Variants in RGL1 observed in about 807,000 individuals in gnomAD.
The protein encoded by RGL1 is ral guanine nucleotide dissociation stimulator like 1, also known as ral guanine nucleotide dissociation stimulator-like 1.
RGL1 carries 24 observed loss-of-function variants against 95.2 expected under a neutral mutation model. That is an observed-to-expected ratio of 0.25 (90% CI 0.18 to 0.35). The LOEUF (loss-of-function observed/expected upper bound fraction) is 0.35, where lower values mean the gene tolerates loss of function less well. Ranked by LOEUF, RGL1 falls within the 10% of genes least tolerant of loss-of-function variation. The pLI is 1.00. For missense variants in RGL1, 715 were observed against 936.3 expected, an observed-to-expected ratio of 0.76 and a Z score of 3.08; for synonymous variants, 329 against 344.9, an observed-to-expected ratio of 0.95 and a Z score of 0.51.
intron 6 of RGL1, 125 bp downstream of exon 6, chr1:183,884,035 T>C: frequency 1.0e-6 from 1 of 975,540 alleles, no homozygotes; most frequent in Non-Finnish European, 1.6e-6. Flanking sequence ...TGAGACAGGC[T>C]GCGCCTGCAG....
intron 1 of RGL1, among the ~76,000 whole-genome samples, chr1:183,721,164 T>C (rs1478956179): frequency 2.6e-5 from 4 of 152,182 alleles, no homozygotes; most frequent in African/African-American, 9.6e-5. Flanking sequence ...CACAGGCTGC[T>C]CATTCTCAGC....
intron 1 of RGL1, among the ~76,000 whole-genome samples, chr1:183,662,247 A>G (rs1264531210): frequency 2.0e-5 from 3 of 150,888 alleles, no homozygotes; most frequent in Non-Finnish European, 2.9e-5. Context: ...AGGGTATTCA[A>G]TTAGGAAAAG....
rs963967454 is a variant in RGL1 at position 183,926,358 on chromosome 1, T to C, written c.*66T>C. On this transcript the variant is annotated 3_prime_UTR_variant, in exon 18 of 18. Transcript: ENST00000360851. ...GGGGCTGAGAAACAGGCTGCGGTGA[T>C]TGCAATTACCATCCGGTGTTCGAGG... is the stretch of plus-strand genomic sequence containing the variant. 5 of 1,362,528 alleles carry C rather than the reference T, an allele frequency of 3.7e-6. No homozygotes were observed. The African/African-American group carries it at 7.3e-5, about 20-fold the overall frequency. The allele number at this position is 1,362,528 out of a possible 1,614,324, so 84.4% of individuals were successfully genotyped here.
At chr1:183,723,899 C>T (rs1314823230) in intron 1 of RGL1, among the ~76,000 whole-genome samples, 2 of 152,166 alleles carry the variant, frequency 1.3e-5, no homozygotes, top group Non-Finnish European at 1.5e-5. Flanking sequence ...AAAAAGACTC[C>T]TTCTTTCTGC....
chr1:183,871,510 T>C (rs892315356), intron 4 of RGL1, among the ~76,000 whole-genome samples: 1 of 152,196 alleles, frequency 6.6e-6, no homozygotes, highest in East Asian at 1.9e-4. Context: ...GGACTCACTA[T>C]TGGATTTAAC....
intron 1 of RGL1, among the ~76,000 whole-genome samples, chr1:183,712,172 C>T (rs1655323214): frequency 6.6e-6 from 1 of 152,196 alleles, no homozygotes; most frequent in Non-Finnish European, 1.5e-5. Flanking sequence ...AGGAACTGGC[C>T]TGGGAGGGCC....
chr1:183,895,256 G>C (rs1667623822), intron 9 of RGL1, among the ~76,000 whole-genome samples: 1 of 152,182 alleles, frequency 6.6e-6, no homozygotes, highest in Non-Finnish European at 1.5e-5. Flanking sequence ...CCAGAGTCCA[G>C]TAGACAAGTT....
In RGL1 at chr1:183,843,869, C is replaced by T. The variant is rs915230182; in HGVS notation, c.139-3697C>T. Among the ~76,000 whole-genome samples the T allele has an allele frequency of 3.3e-5, 5 of 152,058 alleles. 1 individual carries two copies. Among genetic ancestry groups the T allele is most frequent in the Admixed American group, 2.0e-4 (3 of 15,282 alleles). On this transcript the variant is annotated intron_variant, in intron 2 of 17. Transcript: ENST00000360851. ...TGAGATGGAGTCTCGCTCTGTTGCC[C>T]AGGCTGGAGTGCAGTGGCACAATCT... is the stretch of plus-strand genomic sequence containing the variant.
At chr1:183,671,845 G>T (rs1013096735) in intron 1 of RGL1, among the ~76,000 whole-genome samples, 4 of 151,878 alleles carry the variant, frequency 2.6e-5, no homozygotes, top group Non-Finnish European at 5.9e-5. Context: ...AGTGGTTGCT[G>T]TTGAGAAATT....
At chr1:183,752,823 T>C (rs1252113491) in intron 2 of RGL1, among the ~76,000 whole-genome samples, 2 of 152,082 alleles carry the variant, frequency 1.3e-5, no homozygotes, top group African/African-American at 4.8e-5. Context: ...TCCATTGTCC[T>C]CTGCCTTCCA....
At chr1:183,789,210 G>A (rs758082719) in intron 2 of RGL1, among the ~76,000 whole-genome samples, 8 of 152,014 alleles carry the variant, frequency 5.3e-5, no homozygotes, top group Non-Finnish European at 1.2e-4. Context: ...TTGGGAGGCC[G>A]AGGCGGGTGG....
At chr1:183,855,642 G>T (rs572373641) in intron 3 of RGL1, among the ~76,000 whole-genome samples, 1 of 152,290 alleles carries the variant, frequency 6.6e-6, no homozygotes, top group African/African-American at 2.4e-5. Flanking sequence ...ACTGGAAACT[G>T]AACCCGCACG....
chr1:183,921,434 G>A (rs1669303563), intron 16 of RGL1, among the ~76,000 whole-genome samples: 1 of 152,094 alleles, frequency 6.6e-6, no homozygotes, highest in South Asian at 2.1e-4. Context: ...ATTTTCTAAT[G>A]CCACAGATTT....
intron 1 of RGL1, among the ~76,000 whole-genome samples, chr1:183,675,179 A>G (rs1309464390): frequency 1.3e-5 from 2 of 152,082 alleles, no homozygotes; most frequent in African/African-American, 4.8e-5. Flanking sequence ...GGAATCTTGC[A>G]CTCTGGATGA....
intron 1 of RGL1, among the ~76,000 whole-genome samples, chr1:183,704,012 T>C (rs111796103): frequency 0.032 from 4,871 of 152,316 alleles, 133 homozygotes; most frequent in Non-Finnish European, 0.044. Context: ...TGACCTACCA[T>C]GGTCCTTGCT....
At chr1:183,714,375 A>T (rs1325944061) in intron 1 of RGL1, among the ~76,000 whole-genome samples, 1 of 152,200 alleles carries the variant, frequency 6.6e-6, no homozygotes, top group Non-Finnish European at 1.5e-5. Context: ...AATTTAGTAT[A>T]AAAGATCATT....
At chr1:183,882,048 G>A (rs960146593) in intron 5 of RGL1, among the ~76,000 whole-genome samples, 4 of 152,262 alleles carry the variant, frequency 2.6e-5, no homozygotes, top group African/African-American at 9.6e-5. Flanking sequence ...GCAGGCTGAG[G>A]CAGGGGAGAG....
chr1:183,733,801 A>T (rs376704980), intron 1 of RGL1, among the ~76,000 whole-genome samples: 4 of 152,190 alleles, frequency 2.6e-5, no homozygotes, highest in African/African-American at 9.6e-5. Flanking sequence ...GGTCTTCTGT[A>T]ATGGGATAAG....
At chr1:183,924,287 T>TA (rs1168371165) in intron 17 of RGL1, among the ~76,000 whole-genome samples, 4 of 152,064 alleles carry the variant, frequency 2.6e-5, no homozygotes, top group African/African-American at 7.2e-5. Flanking sequence ...TATGCAGTGA[T>TA]AAAAAAGGAT....
Sources: gnomAD v4.1 joint callset for allele counts (sites outside exome capture counted in the v4.1 genomes callset) on GRCh38, gnomAD v4.1.1 for gene constraint, MANE v1.5 for transcripts, NCBI Gene and HGNC (gene_info 2026-07-23, HGNC 2026-07-21) for gene names.